PDGFD: variants seen among roughly 807,000 people sequenced by gnomAD.
The protein encoded by PDGFD is platelet derived growth factor D.
Under a neutral mutation model 44.7 loss-of-function variants are expected in PDGFD, and 30 were observed. That is an observed-to-expected ratio of 0.67 (90% CI 0.50 to 0.91). The LOEUF is 0.91. Among genes scored for constraint, PDGFD ranks in the 40% least tolerant of loss-of-function variants. The pLI, the probability that PDGFD is intolerant of heterozygous loss-of-function variation, is 0.00. For synonymous variants in PDGFD, 173 were observed against 168.4 expected (o/e 1.03, Z -0.21); for missense variants, 445 against 457.8 (o/e 0.97, Z 0.25).
intron 1 of PDGFD, among the ~76,000 whole-genome samples, chr11:104,093,886 T>C (rs1289012122): frequency 6.7e-6 from 1 of 149,132 alleles, no homozygotes; most frequent in Admixed American, 6.8e-5. Flanking sequence ...CTCCAATCAT[T>C]AAAAAAAATT....
At position 103,927,095 on chromosome 11, in the gene PDGFD, C is replaced by T. The variant is rs749267771; in HGVS notation, c.804G>A (p.Lys268=). The T allele has an allele frequency of 4.3e-6, 7 of 1,614,148 alleles. No homozygotes were observed. Among genetic ancestry groups the T allele is most frequent in the East Asian group, 2.2e-5 (1 of 44,888 alleles). Reference sequence around the variant, plus strand: ...AATTCCTGGGAGTGCAACTGTAACGCTTGGCATCATCATTGAGCCTATCCA... The same window carrying T: ...AATTCCTGGGAGTGCAACTGTAACGTTTGGCATCATCATTGAGCCTATCCA... ...VDLDRLNDDA[K]RYSCTPRNYS... The change falls in exon 6 of 7, where the codon AAG becomes AAA. Residue 268 remains lysine, a synonymous_variant. Coordinates refer to ENST00000393158, the MANE Select transcript of PDGFD (RefSeq NM_025208.5).
chr11:103,916,249 A>G (rs961576973), intron 6 of PDGFD, among the ~76,000 whole-genome samples: 19 of 151,982 alleles, frequency 1.3e-4, no homozygotes, highest in Non-Finnish European at 2.7e-4. Flanking sequence ...TTACAAGAAA[A>G]AAACAACCCC....
intron 3 of PDGFD, among the ~76,000 whole-genome samples, chr11:103,989,095 A>G (rs1164293198): frequency 1.3e-5 from 2 of 152,146 alleles, no homozygotes; most frequent in Non-Finnish European, 2.9e-5. Context: ...TATAATTTCT[A>G]TAAGGGCAGG....
rs1862062127 is a variant in PDGFD at position 104,139,950 on chromosome 11, C to T, written c.124+23854G>A. Among the ~76,000 whole-genome samples, 4 of 73,732 alleles carry T rather than the reference C, an allele frequency of 5.4e-5. 2 individuals carry two copies. The highest frequency in any genetic ancestry group is 9.9e-5 in the Non-Finnish European group (4 of 40,502). The allele number at this position is 73,732 out of a possible 152,430, so 48.4% of individuals were successfully genotyped here. ...TGGCGGGCGCCTGTAGTCCCAGCTA[C>T]TCGGGAGGCTGAGGCAGGAGAATGG... On this transcript the variant is annotated intron_variant, in intron 1 of 6. Coordinates refer to ENST00000393158, the MANE Select transcript of PDGFD (RefSeq NM_025208.5).
Position 103,996,168 on chromosome 11 carries a change from A to T in PDGFD, c.407T>A (p.Val136Asp), listed in dbSNP as rs750887807. Reference sequence around the variant, plus strand: ...CGTTCTTGATTTTATCCTTGGAGGAACTTCCTTGTGTCCACACCATCGTCC... The same window carrying T: ...CGTTCTTGATTTTATCCTTGGAGGATCTTCCTTGTGTCCACACCATCGTCC... ...IRGRWCGHKE[V>D]PPRIKSRTNQ... The change falls in exon 3 of 7, where the codon GTT becomes GAT. Residue 136 changes from valine (V) to aspartate (D), a missense_variant. Coordinates refer to ENST00000393158, the MANE Select transcript of PDGFD (RefSeq NM_025208.5). The T allele has an allele frequency of 6.2e-7, 1 of 1,613,546 alleles. No homozygotes were observed. Among genetic ancestry groups the T allele is most frequent in the Non-Finnish European group, 8.5e-7 (1 of 1,179,624 alleles).
chr11:104,143,498 C>T (rs1862117184), intron 1 of PDGFD, among the ~76,000 whole-genome samples: 1 of 152,112 alleles, frequency 6.6e-6, no homozygotes, highest in South Asian at 2.1e-4. Flanking sequence ...TTTAAGCATC[C>T]TTGGAGGTAC....
chr11:104,120,461 G>C (rs1252944309), intron 1 of PDGFD, among the ~76,000 whole-genome samples: 1 of 151,788 alleles, frequency 6.6e-6, no homozygotes, highest in Non-Finnish European at 1.5e-5. Flanking sequence ...CCCTATTACA[G>C]AATAGCATAA....
chr11:104,130,660 G>T (rs890526277), intron 1 of PDGFD, among the ~76,000 whole-genome samples: 2 of 152,092 alleles, frequency 1.3e-5, no homozygotes, highest in East Asian at 1.9e-4. Context: ...CTTTGACTTT[G>T]CTCTTCTTCT....
At chr11:104,025,105 T>A (rs1860023054) in intron 1 of PDGFD, among the ~76,000 whole-genome samples, 1 of 152,244 alleles carries the variant, frequency 6.6e-6, no homozygotes, top group African/African-American at 2.4e-5. Context: ...CCAAAGCCCA[T>A]GCCCTTAGGG....
intron 1 of PDGFD, among the ~76,000 whole-genome samples, chr11:104,158,570 C>T (rs1389609246): frequency 6.6e-6 from 1 of 152,218 alleles, no homozygotes; most frequent in Non-Finnish European, 1.5e-5. Flanking sequence ...CACTGGCTTA[C>T]GCCTGTAATC....
intron 1 of PDGFD, among the ~76,000 whole-genome samples, chr11:104,017,613 G>A (rs113042926): frequency 1.6e-4 from 24 of 152,220 alleles, no homozygotes; most frequent in Non-Finnish European, 2.1e-4. Context: ...ACACGAAACC[G>A]TTCAACAAAT....
At chr11:103,910,536 G>A (rs1171470281) in intron 6 of PDGFD, among the ~76,000 whole-genome samples, 1 of 152,194 alleles carries the variant, frequency 6.6e-6, no homozygotes, top group Non-Finnish European at 1.5e-5. Flanking sequence ...AGCCATGAGA[G>A]ACTGTACCAG....
intron 1 of PDGFD, among the ~76,000 whole-genome samples, chr11:104,122,276 T>C (rs780001909): frequency 1.3e-5 from 2 of 151,938 alleles, no homozygotes; most frequent in Non-Finnish European, 2.9e-5. Context: ...TTTTTTGTTA[T>C]AGTAAAGGAA....
chr11:104,136,409 TAAGTA>T (rs376862195), intron 1 of PDGFD, among the ~76,000 whole-genome samples: 42 of 152,234 alleles, frequency 2.8e-4, no homozygotes, highest in Middle Eastern at 6.8e-3. Context: ...AAAAAGATAA[TAAGTA>T]ATGTCTAAAG....
intron 1 of PDGFD, among the ~76,000 whole-genome samples, chr11:104,020,695 T>C (rs1859936312): frequency 6.6e-6 from 1 of 152,152 alleles, no homozygotes. Flanking sequence ...ATTTACATAA[T>C]TGCCAAATTT....
At chr11:103,990,545 C>T (rs1859433406) in intron 3 of PDGFD, among the ~76,000 whole-genome samples, 1 of 152,208 alleles carries the variant, frequency 6.6e-6, no homozygotes, top group Non-Finnish European at 1.5e-5. Flanking sequence ...TTCCTGACAG[C>T]AGAGGTTCTG....
chr11:104,161,487 G>A (rs1862387607), intron 1 of PDGFD, among the ~76,000 whole-genome samples: 1 of 152,050 alleles, frequency 6.6e-6, no homozygotes, highest in African/African-American at 2.4e-5. Context: ...ATTTTTCATA[G>A]CCCCATTATT....
chr11:104,093,082 G>A (rs1346452116), intron 1 of PDGFD, among the ~76,000 whole-genome samples: 1 of 152,152 alleles, frequency 6.6e-6, no homozygotes, highest in Non-Finnish European at 1.5e-5. Context: ...CCCAGCTCCT[G>A]GGTGCAGGCA....
chr11:104,079,837 G>A (rs1303465405), intron 1 of PDGFD, among the ~76,000 whole-genome samples: 2 of 152,046 alleles, frequency 1.3e-5, no homozygotes, highest in Non-Finnish European at 1.5e-5. Flanking sequence ...ATTATTAATG[G>A]TAAAGATATA....
Sources: gnomAD v4.1 joint callset for allele counts (sites outside exome capture counted in the v4.1 genomes callset) on GRCh38, gnomAD v4.1.1 for gene constraint, MANE v1.5 for transcripts, NCBI Gene and HGNC (gene_info 2026-07-23, HGNC 2026-07-21) for gene names.